Variants in UVSSA observed in about 807,000 individuals in gnomAD.
UVSSA encodes the protein UV stimulated scaffold protein A.
In UVSSA, 72 loss-of-function variants were observed where a neutral mutation model predicts 73.9. That is an observed-to-expected ratio of 0.97 (90% CI 0.81 to 1.19). UVSSA has a LOEUF of 1.19. Ranked by LOEUF, UVSSA falls within the 50% of genes most tolerant of loss-of-function variation. The pLI, the probability that UVSSA is intolerant of heterozygous loss-of-function variation, is 0.00. For missense variants in UVSSA, 1,150 were observed against 965.0 expected (o/e 1.19, Z -2.54); for synonymous variants, 454 against 391.3 (o/e 1.16, Z -1.89).
In UVSSA at chr4:1,366,451, G is replaced by A. The variant is rs1232714643; in HGVS notation, c.1288+20G>A. The stretch of plus-strand genomic sequence containing the variant: ...AGTATGGTGAGCAGTGGGTCCCGTG[G>A]GGGGGGCACCTGGGTGGAGGGTCCC... On this transcript the variant is annotated intron_variant, in intron 8 of 13. Coordinates refer to ENST00000389851, the MANE Select transcript of UVSSA (RefSeq NM_020894.4). 1 of 1,568,320 alleles carries A rather than the reference G, an allele frequency of 6.4e-7. No homozygotes were observed. The highest frequency in any genetic ancestry group is 1.2e-5 in the South Asian group (1 of 85,756).
At position 1,349,858 on chromosome 4, in the gene UVSSA, G is replaced by C. The variant is rs763503368; in HGVS notation, c.429+4G>C. 2.0e-6 allele frequency: 3 copies of C among 1,531,130 alleles called. No homozygotes were observed. The highest frequency in any genetic ancestry group is 2.6e-6 in the Non-Finnish European group (3 of 1,140,350). The allele number at this position is 1,531,130 out of a possible 1,614,324, so 94.8% of individuals were successfully genotyped here. A position where few individuals can be genotyped will look rare whatever the true frequency, so the allele number is the denominator to read the frequency against. On this transcript the variant is annotated splice_donor_region_variant and intron_variant, in intron 3 of 13. Coordinates refer to ENST00000389851, the MANE Select transcript of UVSSA (RefSeq NM_020894.4). Reference sequence around the variant, plus strand: ...CTTCTTAAGACACAACAAAAAGGTAGGTGGGCCTGGCCCATTTTTTCAGAG... The same window carrying C: ...CTTCTTAAGACACAACAAAAAGGTACGTGGGCCTGGCCCATTTTTTCAGAG...
Position 1,349,501 on chromosome 4 carries a change from G to T in UVSSA, c.99-23G>T, listed in dbSNP as rs752421004. ...CATCCTCTGCGTGTGGGGCAGTTGG[G>T]TCAGGCCAGCTCGCATCCCCAGGTC... is the stretch of plus-strand genomic sequence containing the variant. On this transcript the variant is annotated intron_variant, in intron 2 of 13. Transcript: ENST00000389851. 5.6e-6 allele frequency: 9 copies of T among 1,604,838 alleles called. No individual in the cohort carries two copies. In the South Asian group the frequency reaches 9.9e-5, roughly 18 times the overall value.
chr4:1,385,002 GC>G (rs1285835879), intron 13 of UVSSA: 1 of 152,330 alleles, frequency 6.6e-6, no homozygotes, highest in Non-Finnish European at 1.5e-5. Context: ...AGGCACCTTA[GC>G]CCTTGGAGCT....
intron 10 of UVSSA, among the ~76,000 whole-genome samples, chr4:1,379,763 C>T (rs4974615): frequency 0.31 from 8,671 of 28,194 alleles, 667 homozygotes; most frequent in African/African-American, 0.52. Flanking sequence ...GTTCACGTGG[C>T]GTCAGAATTC....
In UVSSA at chr4:1,383,866, G is replaced by T. The variant is rs1309094517; in HGVS notation, c.1962G>T (p.Arg654Ser). 3 of 1,613,440 alleles carry T rather than the reference G, an allele frequency of 1.9e-6. No homozygotes were observed. The highest frequency in any genetic ancestry group is 2.5e-6 in the Non-Finnish European group (3 of 1,180,012). Residue 654 changes from arginine to serine, a missense_variant, in exon 13 of 14, where the codon AGG (arginine) becomes AGT (serine). Physicochemically the swap from Arg to Ser is moderately radical, Grantham distance 110 (BLOSUM62 -1). Coordinates refer to ENST00000389851, the MANE Select transcript of UVSSA (RefSeq NM_020894.4). ...GGAAAGGCAGGGGGAAGAAGAGGAG[G>T]TACCCCAGCCTCACCAACCTGAAGG... Reference protein sequence around the residue: ...YSGKGRGKKRRYPSLTNLKAQ... With the variant: ...YSGKGRGKKRSYPSLTNLKAQ...
exon 14 of UVSSA, chr4:1,394,181 C>A: frequency 2.1e-6 from 1 of 468,554 alleles, no homozygotes; most frequent in Non-Finnish European, 3.8e-6. Context: ...CAGCTCTGTG[C>A]CTGTGTGGGC....
intron 7 of UVSSA, among the ~76,000 whole-genome samples, chr4:1,360,079 G>T (rs1038182075): frequency 2.6e-5 from 4 of 152,220 alleles, no homozygotes; most frequent in African/African-American, 7.2e-5. Context: ...ACCTTGTACC[G>T]CCCTAGGGCT....
At chr4:1,348,653 GGA>G (rs1314010593) in intron 2 of UVSSA, among the ~76,000 whole-genome samples, 1 of 152,160 alleles carries the variant, frequency 6.6e-6, no homozygotes. Flanking sequence ...GATTCATGGG[GGA>G]AGCAAAACTT....
At chr4:1,348,899 GCCTT>G (rs1714164249) in intron 2 of UVSSA, among the ~76,000 whole-genome samples, 1 of 152,218 alleles carries the variant, frequency 6.6e-6, no homozygotes, top group Non-Finnish European at 1.5e-5. Flanking sequence ...CGAGCTCTAG[GCCTT>G]CCTTCCTTCC....
In UVSSA at chr4:1,354,756, A is replaced by T; in HGVS notation, c.956A>T (p.Asn319Ile). The change falls in exon 6 of 14, where the codon AAC becomes ATC. Residue 319 changes from asparagine (N) to isoleucine (I), a missense_variant. Transcript: ENST00000389851. ...LCSEGLKVQE[N>I]EDNLALIHAA... ...CCAGAGGGCCTGAAGGTGCAGGAGA[A>T]CGAGGACAACCTTGCTCTCATCCAC... 6.2e-7 allele frequency: 1 copy of T among 1,613,526 alleles called. No homozygotes were observed. The highest frequency in any genetic ancestry group is 1.1e-5 in the South Asian group (1 of 91,050).
intron 10 of UVSSA, among the ~76,000 whole-genome samples, chr4:1,376,768 G>A (rs986121676): frequency 3.9e-5 from 6 of 152,220 alleles, no homozygotes; most frequent in Non-Finnish European, 7.4e-5. Flanking sequence ...GCCACAGCTC[G>A]CTGGCACGGC....
At chr4:1,385,815 C>T (rs1362940895) in intron 13 of UVSSA, 53 bp from the exon 14 acceptor site, 22 of 1,598,372 alleles carry the variant, frequency 1.4e-5, no homozygotes, top group Middle Eastern at 3.3e-4. Context: ...CACTGGGAGC[C>T]CAGGCCCCTG....
chr4:1,351,729 C>T lies in UVSSA; in HGVS notation c.444C>T (p.Asp148=). ...CAATTGCTCAGGTGGATTTTCAAGA[C>T]ACGAATGCTCGGAGTCTGGCAGAAA... ...LRHNKKVDFQ[D]TNARSLAERK... is the part of the protein sequence containing the mutation. Residue 148 remains aspartate, a synonymous_variant, in exon 4 of 14, where the codon GAC becomes GAT. Transcript: ENST00000389851. The T allele has an allele frequency of 6.2e-7, 1 of 1,613,370 alleles. No homozygotes were observed.
intron 10 of UVSSA, 151 bp from the exon 11 acceptor site, chr4:1,379,896 G>A (rs371694248): frequency 7.1e-6 from 6 of 839,772 alleles, no homozygotes; most frequent in African/African-American, 3.8e-5. Context: ...AGACCCAGCC[G>A]GGAGTGACCG....
At chr4:1,380,003 G>A (rs967148567) in intron 10 of UVSSA, 44 bp from the exon 11 acceptor site, 3 of 1,550,918 alleles carry the variant, frequency 1.9e-6, no homozygotes, top group Admixed American at 1.9e-5. Flanking sequence ...ACGCTCTTCT[G>A]GGGTCCCTGC....
chr4:1,380,873 T>C lies in UVSSA; in HGVS notation c.1753-7T>C, dbSNP rs778882449. 2 of 1,611,648 alleles carry C rather than the reference T, an allele frequency of 1.2e-6. No homozygotes were observed. The highest frequency in any genetic ancestry group is 1.7e-5 in the Admixed American group (1 of 59,938). On this transcript the variant is annotated splice_polypyrimidine_tract_variant and splice_region_variant and intron_variant, in intron 11 of 13. Coordinates refer to ENST00000389851, the MANE Select transcript of UVSSA (RefSeq NM_020894.4). ...CCGCCATCAGCCACCGTGTCCTCGC[T>C]GTGCAGTGCCCTTTCCATGGGAAGA...
At chr4:1,354,436 A>C in intron 5 of UVSSA, 1 of 411,026 alleles carries the variant, frequency 2.4e-6, no homozygotes, top group Non-Finnish European at 4.6e-6. Context: ...GGCGGTGAGT[A>C]GAAGAGGCTG....
chr4:1,352,995 T>C (rs1361326891), intron 4 of UVSSA, 35 bp from the exon 5 acceptor site: 7 of 1,580,980 alleles, frequency 4.4e-6, no homozygotes, highest in Non-Finnish European at 5.2e-6. Flanking sequence ...TTGCTCCACA[T>C]AGCGCAGCAA....
chr4:1,375,573 A>G (rs1174220646), intron 9 of UVSSA, 65 bp downstream of exon 9: 19 of 1,556,170 alleles, frequency 1.2e-5, no homozygotes, highest in Non-Finnish European at 1.6e-5. Context: ...TGCCCAGAGC[A>G]CTGGCCGGCC....
Sources: gnomAD v4.1 joint callset for allele counts (sites outside exome capture counted in the v4.1 genomes callset) on GRCh38, gnomAD v4.1.1 for gene constraint, MANE v1.5 for transcripts, NCBI Gene and HGNC (gene_info 2026-07-23, HGNC 2026-07-21) for gene names.